Variants in EFCAB3 observed in about 807,000 individuals in gnomAD.
EFCAB3 encodes the protein EF-hand calcium binding domain 3.
A neutral mutation model predicts 42.2 loss-of-function variants in EFCAB3; 36 were observed. The ratio of observed to expected loss-of-function variants is 0.85; its 90% CI spans 0.65 to 1.13. EFCAB3 has a LOEUF of 1.13. Ranked by LOEUF, EFCAB3 falls within the 50% of genes most tolerant of loss-of-function variation. The pLI, the probability that EFCAB3 is intolerant of heterozygous loss-of-function variation, is 0.00. For synonymous variants in EFCAB3, 170 were observed against 172.8 expected (o/e 0.98, Z 0.13); for missense variants, 418 against 505.1 (o/e 0.83, Z 1.65).
At chr17:62,392,360 A>G (rs1598011841) in intron 4 of EFCAB3, among the ~76,000 whole-genome samples, 1 of 151,832 alleles carries the variant, frequency 6.6e-6, no homozygotes, top group East Asian at 1.9e-4. Context: ...TATGTGTACA[A>G]GTTGTGAAAT....
At chr17:62,383,173 A>G (rs1038011197) in intron 2 of EFCAB3, 120 bp downstream of exon 2, 22 of 918,648 alleles carry the variant, frequency 2.4e-5, no homozygotes, top group African/African-American at 1.6e-4. Context: ...CCCTAAAAAA[A>G]AGAAAATTAT....
chr17:62,400,144 G>A (rs2070388153), intron 6 of EFCAB3, among the ~76,000 whole-genome samples: 1 of 152,104 alleles, frequency 6.6e-6, no homozygotes, highest in South Asian at 2.1e-4. Flanking sequence ...TGCCTACTGG[G>A]CATCTCCATG....
chr17:62,382,226 T>C lies in EFCAB3; in HGVS notation c.-17-737T>C, dbSNP rs1329705780. ...TTGTCAATTATGACTTGAAATGCTC[T>C]ACTGATTTCATAATAAAATAGCATC... On this transcript the variant is annotated intron_variant, in intron 1 of 9. Coordinates refer to ENST00000305286, the MANE Select transcript of EFCAB3 (RefSeq NM_173503.4). Among the ~76,000 whole-genome samples, 3 of 152,346 alleles carry C rather than the reference T, an allele frequency of 2.0e-5. No individual in the cohort carries two copies. In the East Asian group the frequency reaches 5.8e-4, roughly 29 times the overall value.
chr17:62,407,703 G>GC (rs890848134), intron 8 of EFCAB3, among the ~76,000 whole-genome samples: 5 of 152,092 alleles, frequency 3.3e-5, no homozygotes, highest in African/African-American at 7.2e-5. Context: ...TAGTCTTTTT[G>GC]CCCCCCCTCC....
At position 62,380,622 on chromosome 17, in the gene EFCAB3, C is replaced by T. The variant is rs922938744; in HGVS notation, c.-18+9C>T. The T allele has an allele frequency of 7.1e-6, 7 of 983,776 alleles. No individual in the cohort carries two copies. Among genetic ancestry groups the T allele is most frequent in the African/African-American group, 1.7e-5 (1 of 57,292 alleles). 60.9% of individuals were successfully genotyped at this position (983,776 alleles called of 1,614,324 possible). A position where few individuals can be genotyped will look rare whatever the true frequency, so the allele number is the denominator to read the frequency against. On this transcript the variant is annotated intron_variant, in intron 1 of 9. Transcript: ENST00000305286. ...GCACGGCTTAAAAGTAGGTAAATAT[C>T]GTGATTTTGTAGGATTCTATGCTAA...
intron 6 of EFCAB3, chr17:62,397,695 A>C (rs2070362555): frequency 1.8e-6 from 1 of 554,518 alleles, no homozygotes; most frequent in Admixed American, 2.3e-5. Flanking sequence ...TTTATTGAGA[A>C]AAACGATAAA....
intron 1 of EFCAB3, among the ~76,000 whole-genome samples, chr17:62,382,228 C>T (rs1234456407): frequency 6.6e-6 from 1 of 152,154 alleles, no homozygotes; most frequent in African/African-American, 2.4e-5. Flanking sequence ...AAATGCTCTA[C>T]TGATTTCATA....
intron 9 of EFCAB3, among the ~76,000 whole-genome samples, chr17:62,415,318 C>T (rs1246929259): frequency 6.6e-6 from 1 of 152,116 alleles, no homozygotes; most frequent in Non-Finnish European, 1.5e-5. Context: ...ATGGCAATTT[C>T]AACTCTATTT....
At chr17:62,376,595 C>G (rs1371384727), upstream of EFCAB3, among the ~76,000 whole-genome samples, 1 of 152,198 alleles carries the variant, frequency 6.6e-6, no homozygotes, top group African/African-American at 2.4e-5. Flanking sequence ...TTTCAGATGA[C>G]AGACATAGGC....
At chr17:62,379,666 T>C (rs2070179806), upstream of EFCAB3, among the ~76,000 whole-genome samples, 1 of 152,094 alleles carries the variant, frequency 6.6e-6, no homozygotes, top group Admixed American at 6.6e-5. Flanking sequence ...GAAGCACTTT[T>C]AGGGGCCCAA....
rs2070331996 is a variant in EFCAB3, at chr17:62,394,437, GGGCTGGAGA to G, written c.368-629_368-621del. On this transcript the variant is annotated intron_variant, in intron 5 of 9. Transcript: ENST00000305286. ...GATGAAGACTCTACCCTCAGTGCTA[GGGCTGGAGA>G]GTCTGCTGGAGGTTAGAGAGCATTA... 2.0e-5 allele frequency among the ~76,000 whole-genome samples: 3 copies of G among 152,272 alleles called. No homozygotes were observed. The South Asian group carries it at 6.2e-4, about 32-fold the overall frequency.
chr17:62,400,294 A>T (rs2070389652), intron 6 of EFCAB3, among the ~76,000 whole-genome samples: 1 of 152,008 alleles, frequency 6.6e-6, no homozygotes, highest in Non-Finnish European at 1.5e-5. Flanking sequence ...TTTGTTACAT[A>T]TGTATATATG....
At chr17:62,392,076 C>A in intron 4 of EFCAB3, 111 bp downstream of exon 4, 2 of 887,008 alleles carry the variant, frequency 2.3e-6, no homozygotes, top group Non-Finnish European at 3.1e-6. Context: ...ACTTGCCCCC[C>A]CAAATATATA....
intron 2 of EFCAB3, 130 bp downstream of exon 2, chr17:62,383,183 T>C: frequency 1.2e-6 from 1 of 801,018 alleles, no homozygotes; most frequent in East Asian, 2.9e-5. Flanking sequence ...AAGAAAATTA[T>C]TGAGATTATT....
intron 1 of EFCAB3, chr17:62,370,386 G>A (rs1224024412): frequency 1.3e-5 from 19 of 1,493,784 alleles, no homozygotes; most frequent in East Asian, 9.9e-5. Context: ...TGGGCATGGT[G>A]ATTCACGCCT....
intron 4 of EFCAB3, among the ~76,000 whole-genome samples, chr17:62,392,507 C>G (rs1420247604): frequency 6.6e-6 from 1 of 152,038 alleles, no homozygotes; most frequent in African/African-American, 2.4e-5. Context: ...GACATGTTAC[C>G]AAGAGAATTC....
chr17:62,370,232 T>C, exon 1 of EFCAB3: 2 of 1,526,918 alleles, frequency 1.3e-6, no homozygotes, highest in East Asian at 4.9e-5. Context: ...AGGTGATTGA[T>C]GTCCAGAACT....
intron 3 of EFCAB3, among the ~76,000 whole-genome samples, chr17:62,389,502 A>G (rs1055441343): frequency 2.3e-4 from 35 of 152,198 alleles, no homozygotes; most frequent in Admixed American, 2.2e-3. Flanking sequence ...CAACTTTCCT[A>G]TGAGAGGTTA....
At chr17:62,406,422 T>C (rs551042944) in intron 6 of EFCAB3, 58 bp from the exon 7 acceptor site, 2 of 1,446,308 alleles carry the variant, frequency 1.4e-6, no homozygotes, top group East Asian at 2.4e-5. Context: ...CTTGACTTTT[T>C]AAAATTTTTG....
Sources: allele counts gnomAD v4.1 joint callset (sites outside exome capture counted in the v4.1 genomes callset), GRCh38; gene constraint gnomAD v4.1.1; transcripts MANE v1.5; gene names NCBI Gene and HGNC (gene_info 2026-07-23, HGNC 2026-07-21).